The following ACYP2 variants were observed in gnomAD, a reference collection of about 807,000 sequenced individuals.
ACYP2 encodes the protein acylphosphatase 2.
A neutral mutation model predicts 11.2 loss-of-function variants in ACYP2; 12 were observed. The observed-to-expected ratio is 1.08, with a 90% confidence interval of 0.69 to 1.74. The LOEUF (loss-of-function observed/expected upper bound fraction) is 1.74. Among genes scored for constraint, ACYP2 ranks in the 40% most tolerant of loss-of-function variants. The pLI is 0.00. For synonymous variants in ACYP2, 43 were observed against 32.2 expected, an observed-to-expected ratio of 1.33 and a Z score of -1.13; for missense variants, 134 against 101.9, an observed-to-expected ratio of 1.31 and a Z score of -1.35.
At chr2:54,211,477 C>T (rs1385180071) in intron 6 of ACYP2, among the ~76,000 whole-genome samples, 2 of 152,078 alleles carry the variant, frequency 1.3e-5, no homozygotes, top group East Asian at 1.9e-4. Context: ...TCTGCTAATC[C>T]CATCTACTTG....
chr2:54,229,945 C>T (rs1376448981), intron 6 of ACYP2, among the ~76,000 whole-genome samples: 1 of 152,182 alleles, frequency 6.6e-6, no homozygotes, highest in East Asian at 1.9e-4. Context: ...TTTATCTTAT[C>T]CAAATTCCTA....
Position 54,101,638 on chromosome 2 carries a change from C to G in ACYP2, c.278-33815C>G, listed in dbSNP as rs542330492. 2.0e-3 allele frequency among the ~76,000 whole-genome samples: 269 copies of G among 137,528 alleles called. 1 individual carries two copies. Among genetic ancestry groups the G allele is most frequent in the African/African-American group, 7.0e-3 (254 of 36,432 alleles). 90.2% of individuals were successfully genotyped at this position (137,528 alleles called of 152,430 possible). On this transcript the variant is annotated intron_variant, in intron 4 of 6. Coordinates refer to ENST00000607452, the MANE Select transcript of ACYP2 (RefSeq NM_001320586.2). ...GCAGTGAGCCAAGATTGCGCCATTG[C>G]AATCCAGCTTGGGTTACAGAGGGAG...
chr2:54,192,835 T>C (rs1196989475), intron 6 of ACYP2, among the ~76,000 whole-genome samples: 2 of 152,102 alleles, frequency 1.3e-5, no homozygotes, highest in East Asian at 3.9e-4. Context: ...AGAGAATGAG[T>C]ACCAGCAGGG....
intron 6 of ACYP2, among the ~76,000 whole-genome samples, chr2:54,285,303 C>T (rs550486125): frequency 6.6e-6 from 1 of 152,320 alleles, no homozygotes; most frequent in South Asian, 2.1e-4. Flanking sequence ...TTCTAGGATA[C>T]CACGGTCTCC....
At chr2:54,253,775 TAAACC>T (rs1294212236) in intron 6 of ACYP2, 1 of 152,208 alleles carries the variant, frequency 6.6e-6, no homozygotes, top group Non-Finnish European at 1.5e-5. Flanking sequence ...TGTAGTCCTT[TAAACC>T]CTCTAGGAAT....
rs1205119560 is a variant in ACYP2, at chr2:53,981,071, T to C, written c.62+7261T>C. On this transcript the variant is annotated intron_variant, in intron 2 of 6. Coordinates refer to ENST00000607452, the MANE Select transcript of ACYP2 (RefSeq NM_001320586.2). ...CGGAACAGATGTACCATTTTTTATC[T>C]TTTATACTGTATTTTTACTGCACCT... Among the ~76,000 whole-genome samples the C allele has an allele frequency of 3.3e-5, 5 of 152,292 alleles. No homozygotes were observed. The East Asian group carries it at 9.6e-4, about 29-fold the overall frequency.
chr2:54,112,550 T>A (rs1457939498), intron 4 of ACYP2, among the ~76,000 whole-genome samples: 3 of 152,214 alleles, frequency 2.0e-5, no homozygotes, highest in African/African-American at 4.8e-5. Context: ...TATTTTCTTT[T>A]TTATGGTAGT....
chr2:54,155,553 A>G (rs1171923152), intron 6 of ACYP2, among the ~76,000 whole-genome samples: 5 of 152,130 alleles, frequency 3.3e-5, no homozygotes, highest in African/African-American at 1.2e-4. Context: ...CCTATTGTGA[A>G]CTGCGCATGC....
intron 6 of ACYP2, among the ~76,000 whole-genome samples, chr2:54,201,618 TTC>T (rs1180243507): frequency 2.3e-4 from 23 of 102,084 alleles, no homozygotes; most frequent in Non-Finnish European, 3.2e-4. Flanking sequence ...CTTTCTTTCT[TTC>T]TTTGTTTCTT....
rs1689867283 is a variant in ACYP2 at position 54,305,061 on chromosome 2, A to C, written c.*259A>C. On this transcript the variant is annotated 3_prime_UTR_variant, in exon 7 of 7. Transcript: ENST00000607452. Reference sequence around the variant, plus strand: ...TGAACATTTAATTTAAACTTGTCTCATGGAATCTTTAATTTCAATGAACAT... The same window carrying C: ...TGAACATTTAATTTAAACTTGTCTCCTGGAATCTTTAATTTCAATGAACAT... The C allele has an allele frequency of 3.9e-6, 1 of 258,662 alleles. No individual in the cohort carries two copies. The highest frequency in any genetic ancestry group is 7.3e-6 in the Non-Finnish European group (1 of 137,356). 16.0% of individuals were successfully genotyped at this position (258,662 alleles called of 1,614,324 possible). A position where few individuals can be genotyped will look rare whatever the true frequency, so the allele number is the denominator to read the frequency against.
chr2:54,206,217 T>C (rs1330657544), intron 6 of ACYP2, among the ~76,000 whole-genome samples: 1 of 152,252 alleles, frequency 6.6e-6, no homozygotes, highest in Non-Finnish European at 1.5e-5. Context: ...GATTTTAAGT[T>C]TGGGGCCTTG....
intron 2 of ACYP2, among the ~76,000 whole-genome samples, chr2:53,998,087 G>T (rs941296879): frequency 5.3e-5 from 8 of 152,156 alleles, no homozygotes; most frequent in African/African-American, 1.4e-4. Context: ...GTTTCAAGGG[G>T]TCTGTGATCA....
chr2:54,290,671 A>G (rs1689264019), intron 6 of ACYP2, among the ~76,000 whole-genome samples: 1 of 152,128 alleles, frequency 6.6e-6, no homozygotes, highest in South Asian at 2.1e-4. Context: ...CTATCGGCTA[A>G]TGGCATCCCC....
chr2:54,196,383 TA>T (rs1163963379), intron 6 of ACYP2, among the ~76,000 whole-genome samples: 1 of 151,892 alleles, frequency 6.6e-6, no homozygotes, highest in Non-Finnish European at 1.5e-5. Flanking sequence ...ATTTGTCCTT[TA>T]AAAAAAAGAT....
chr2:54,237,850 C>G (rs753042197), intron 6 of ACYP2, among the ~76,000 whole-genome samples: 3 of 152,026 alleles, frequency 2.0e-5, no homozygotes, highest in Non-Finnish European at 4.4e-5. Context: ...TCTCTCTTCC[C>G]TCTCTTCTGG....
intron 2 of ACYP2, among the ~76,000 whole-genome samples, chr2:54,016,548 G>A (rs1016288664): frequency 3.9e-5 from 6 of 152,082 alleles, no homozygotes; most frequent in Non-Finnish European, 5.9e-5. Context: ...ATTACCCAAA[G>A]AAGAGTTTTA....
At chr2:53,975,739 G>C (rs1279323847) in intron 2 of ACYP2, among the ~76,000 whole-genome samples, 1 of 152,150 alleles carries the variant, frequency 6.6e-6, no homozygotes, top group Non-Finnish European at 1.5e-5. Flanking sequence ...GGCTGAGGCA[G>C]GAGAATCGCT....
chr2:54,096,725 C>T (rs866705593), intron 4 of ACYP2, among the ~76,000 whole-genome samples: 8 of 152,314 alleles, frequency 5.3e-5, no homozygotes, highest in East Asian at 3.9e-4. Flanking sequence ...CACAGGCACT[C>T]GGCAGGCTGA....
chr2:54,087,707 C>T (rs1042114005), intron 4 of ACYP2, among the ~76,000 whole-genome samples: 1 of 152,094 alleles, frequency 6.6e-6, no homozygotes, highest in Non-Finnish European at 1.5e-5. Flanking sequence ...CCCAACTTTT[C>T]CTTAAAAGTA....
Sources: gnomAD v4.1 joint callset for allele counts (sites outside exome capture counted in the v4.1 genomes callset) on GRCh38, gnomAD v4.1.1 for gene constraint, MANE v1.5 for transcripts, NCBI Gene and HGNC (gene_info 2026-07-23, HGNC 2026-07-21) for gene names.